Variants in TECRL observed in about 807,000 individuals in gnomAD.
TECRL encodes trans-2,3-enoyl-CoA reductase-like.
TECRL carries 63 observed loss-of-function variants against 52.8 expected under a neutral mutation model. That is an observed-to-expected ratio of 1.19 (90% CI 0.97 to 1.47). The LOEUF (loss-of-function observed/expected upper bound fraction) is 1.47, where lower values mean the gene tolerates loss of function less well. Ranked by LOEUF, TECRL falls within the 40% of genes most tolerant of loss-of-function variation. The pLI, the probability that TECRL is intolerant of heterozygous loss-of-function variation, is 0.00. For missense variants in TECRL, 482 were observed against 429.6 expected (o/e 1.12, Z -1.08); for synonymous variants, 164 against 141.9 (o/e 1.16, Z -1.10).
At position 64,314,613 on chromosome 4, in the gene TECRL, G is replaced by C. The variant is rs768035017; in HGVS notation, c.551+35C>G. ...ATGGTGTGTGTGTGTGTGTGTGTGT[G>C]TGTGTGTGTGTGTGTGTGTGTGTGT... On this transcript the variant is annotated intron_variant, in intron 5 of 11. Transcript: ENST00000381210. 4.8e-6 allele frequency: 5 copies of C among 1,047,284 alleles called. No individual in the cohort carries two copies. In the South Asian group the frequency reaches 5.1e-5, roughly 11 times the overall value. The allele number at this position is 1,047,284 out of a possible 1,614,324, so 64.9% of individuals were successfully genotyped here.
chr4:64,401,737 T>G (rs1180212822), intron 1 of TECRL, among the ~76,000 whole-genome samples: 1 of 152,206 alleles, frequency 6.6e-6, no homozygotes, highest in Non-Finnish European at 1.5e-5. Flanking sequence ...CTTGACATAG[T>G]CACCACTTCA....
chr4:64,403,141 C>T (rs1413330682), intron 1 of TECRL, among the ~76,000 whole-genome samples: 2 of 151,970 alleles, frequency 1.3e-5, no homozygotes, highest in Non-Finnish European at 2.9e-5. Context: ...AAAACACATG[C>T]TGAAGTTTCT....
chr4:64,377,879 T>A (rs1722512801), intron 1 of TECRL, among the ~76,000 whole-genome samples: 1 of 152,218 alleles, frequency 6.6e-6, no homozygotes, highest in South Asian at 2.1e-4. Flanking sequence ...ATTCTTAAGA[T>A]GAACAGCTGT....
intron 1 of TECRL, among the ~76,000 whole-genome samples, chr4:64,399,537 G>A (rs538324848): frequency 6.6e-6 from 1 of 152,310 alleles, no homozygotes; most frequent in South Asian, 2.1e-4. Flanking sequence ...CTAAGAGGCA[G>A]CCCCTCCCAC....
chr4:64,357,266 TATTG>T (rs1720837982), intron 2 of TECRL, among the ~76,000 whole-genome samples: 1 of 151,954 alleles, frequency 6.6e-6, no homozygotes, highest in Admixed American at 6.6e-5. Context: ...TACAGCATCA[TATTG>T]GATAACTATT....
chr4:64,366,689 C>A (rs1422274914), intron 2 of TECRL, among the ~76,000 whole-genome samples: 1 of 151,934 alleles, frequency 6.6e-6, no homozygotes, highest in East Asian at 1.9e-4. Flanking sequence ...AAATCAAAAC[C>A]ACAATGAATT....
rs576246121 is a variant in TECRL, at chr4:64,409,443, T to C, written c.-92A>G. The C allele has an allele frequency of 2.6e-6, 4 of 1,522,098 alleles. No homozygotes were observed. In the African/African-American group the frequency reaches 4.1e-5, roughly 16 times the overall value. 94.3% of individuals were successfully genotyped at this position (1,522,098 alleles called of 1,614,324 possible). A position where few individuals can be genotyped will look rare whatever the true frequency, so the allele number is the denominator to read the frequency against. On this transcript the variant is annotated 5_prime_UTR_variant, in exon 1 of 12. Transcript: ENST00000381210. ...CAGTTAAATACTGCTGGAGAACCTT[T>C]GAAAGGTCAAATGGTATGCCATTCC...
At position 64,409,271 on chromosome 4, in the gene TECRL, C is replaced by A; in HGVS notation, c.81G>T (p.Lys27Asn). The change falls in exon 1 of 12, where the codon AAG becomes AAT. Residue 27 changes from lysine (K) to asparagine (N), a missense_variant. By Grantham distance (94) the Lys-to-Asn change is moderately conservative. Transcript: ENST00000381210. ...LSQRATRFIL[K>N]DDMRNFHFLS... is the part of the protein sequence containing the mutation. ...AAAAGTGAAAATTTCTCATATCATC[C>A]TTCAGTATGAACCGTGTAGCTCTTT... is the stretch of plus-strand genomic sequence containing the variant. 1 of 1,613,674 alleles carries A rather than the reference C, an allele frequency of 6.2e-7. No homozygotes were observed. Among genetic ancestry groups the A allele is most frequent in the Non-Finnish European group, 8.5e-7 (1 of 1,179,760 alleles).
chr4:64,364,582 C>G (rs925718720), intron 2 of TECRL, among the ~76,000 whole-genome samples: 1 of 151,528 alleles, frequency 6.6e-6, no homozygotes, highest in South Asian at 2.1e-4. Context: ...ATAACATTAC[C>G]CCAAAGAAAT....
intron 7 of TECRL, among the ~76,000 whole-genome samples, chr4:64,300,928 GATAA>G (rs1723983785): frequency 6.6e-6 from 1 of 150,810 alleles, no homozygotes; most frequent in Admixed American, 6.6e-5. Flanking sequence ...TTTTATGTGT[GATAA>G]ATAATACTGC....
In TECRL at chr4:64,339,700, A is replaced by T. The variant is rs186435457; in HGVS notation, c.287-11144T>A. On this transcript the variant is annotated intron_variant, in intron 2 of 11. Transcript: ENST00000381210. ...CAAATCTGAAGATTCTCTGCTCTGC[A>T]ACTCTTTCCCCGCGTCTTATACTAA... is the stretch of plus-strand genomic sequence containing the variant. Among the ~76,000 whole-genome samples the T allele has an allele frequency of 1.5e-3, 234 of 152,042 alleles. 1 individual carries two copies. The highest frequency in any genetic ancestry group is 2.4e-3 in the Admixed American group (37 of 15,262).
chr4:64,402,413 C>A (rs1272236705), intron 1 of TECRL, among the ~76,000 whole-genome samples: 10 of 152,022 alleles, frequency 6.6e-5, no homozygotes, highest in Admixed American at 5.9e-4. Flanking sequence ...TAAAATATCT[C>A]TTTTAAACGT....
chr4:64,283,688 C>G (rs910324287), intron 9 of TECRL, among the ~76,000 whole-genome samples: 1 of 151,946 alleles, frequency 6.6e-6, no homozygotes, highest in South Asian at 2.1e-4. Context: ...GGAACAGGTC[C>G]AGGTCTTAAC....
chr4:64,330,756 T>C (rs1202598922), intron 2 of TECRL, among the ~76,000 whole-genome samples: 2 of 152,098 alleles, frequency 1.3e-5, no homozygotes, highest in African/African-American at 4.8e-5. Context: ...AAGTGATTAA[T>C]GGGAGAAAAC....
chr4:64,359,351 T>C (rs1721010221), intron 2 of TECRL, among the ~76,000 whole-genome samples: 1 of 152,022 alleles, frequency 6.6e-6, no homozygotes, highest in African/African-American at 2.4e-5. Context: ...CATCCAGATA[T>C]CTATCTCCCG....
chr4:64,332,356 G>C (rs1296583390), intron 2 of TECRL, among the ~76,000 whole-genome samples: 1 of 152,152 alleles, frequency 6.6e-6, no homozygotes, highest in African/African-American at 2.4e-5. Flanking sequence ...ATCCCTGTTT[G>C]AATTAAAGTG....
chr4:64,408,554 T>A (rs1049872500), intron 1 of TECRL, among the ~76,000 whole-genome samples: 1 of 152,020 alleles, frequency 6.6e-6, no homozygotes. Context: ...ATTATTTTCA[T>A]GAACTTAAAT....
chr4:64,280,111 A>G lies in TECRL; in HGVS notation c.1053T>C (p.Tyr351=). The G allele has an allele frequency of 6.2e-7, 1 of 1,604,544 alleles. No homozygotes were observed. Among genetic ancestry groups the G allele is most frequent in the East Asian group, 2.3e-5 (1 of 44,418 alleles). The change falls in exon 12 of 12, where the codon TAT becomes TAC. Residue 351 remains tyrosine (Y), a synonymous_variant. Transcript: ENST00000381210. ...GAATCATTGCTGATTTTCTATGAAT[A>G]TATGAATTGAATTTTCTCAGATAAA... is the stretch of plus-strand genomic sequence containing the variant. ...HKIYLRKFNS[Y]IHRKSAMIPF...
intron 2 of TECRL, among the ~76,000 whole-genome samples, chr4:64,373,981 A>G (rs1386456467): frequency 7.9e-6 from 1 of 125,914 alleles, no homozygotes; most frequent in Non-Finnish European, 1.7e-5. Context: ...TATATAGTAG[A>G]TATATATATA....
Sources: gnomAD v4.1 joint callset for allele counts (sites outside exome capture counted in the v4.1 genomes callset) on GRCh38, gnomAD v4.1.1 for gene constraint, MANE v1.5 for transcripts, NCBI Gene and HGNC (gene_info 2026-07-23, HGNC 2026-07-21) for gene names.